STK3: variants seen among roughly 807,000 people sequenced by gnomAD.
STK3 encodes serine/threonine kinase 3.
A neutral mutation model predicts 58.0 loss-of-function variants in STK3; 41 were observed. The observed-to-expected ratio is 0.71, with a 90% CI of 0.55 to 0.92. The LOEUF is 0.92. Ranked by LOEUF, STK3 falls within the 40% of genes least tolerant of loss-of-function variation. The probability of loss-of-function intolerance (pLI) is 0.00; values close to 1 mark genes in which losing one functional copy is unlikely to be tolerated. For missense variants in STK3, 479 were observed against 602.7 expected (o/e 0.79, Z 2.15); for synonymous variants, 170 against 191.0 (o/e 0.89, Z 0.91).
At chr8:98,799,965 T>A (rs969245663) in intron 1 of STK3, among the ~76,000 whole-genome samples, 1 of 152,076 alleles carries the variant, frequency 6.6e-6, no homozygotes, top group Non-Finnish European at 1.5e-5. Context: ...AAGAGTGTTG[T>A]TTTTACACTA....
rs748654732 is a variant in STK3, at chr8:98,903,553, CTTCCTTTTT to C, written c.-78-19728_-78-19720del. 8.5e-4 allele frequency among the ~76,000 whole-genome samples: 13 copies of C among 15,348 alleles called. 1 individual carries two copies. The highest frequency in any genetic ancestry group is 1.2e-3 in the Non-Finnish European group (11 of 9,270). 10.1% of individuals were successfully genotyped at this position (15,348 alleles called of 152,430 possible). On this transcript the variant is annotated intron_variant, in intron 1 of 1. Coordinates refer to the STK3 transcript ENST00000519420. ...TCTTCTTCTTCTTCTTCTTCTTCTTCTTCCTTTTTTTTTTTTTAAGTGGGGCCTTGCTCT... is the reference window on the plus strand; with the variant it reads ...TCTTCTTCTTCTTCTTCTTCTTCTTCTTTTTTTTAAGTGGGGCCTTGCTCT...
intron 6 of STK3, among the ~76,000 whole-genome samples, chr8:98,649,295 T>C (rs765710210): frequency 1.3e-5 from 2 of 152,184 alleles, no homozygotes; most frequent in Non-Finnish European, 2.9e-5. Flanking sequence ...CTACCGCTTA[T>C]CTATTGAGTT....
intron 8 of STK3, among the ~76,000 whole-genome samples, chr8:98,559,406 G>C (rs770400285): frequency 6.6e-6 from 1 of 152,130 alleles, no homozygotes; most frequent in Non-Finnish European, 1.5e-5. Flanking sequence ...GTATTCCATG[G>C]TGAACACAGA....
chr8:98,384,050 G>C (rs1817765410), intron 1 of STK3, among the ~76,000 whole-genome samples: 1 of 152,222 alleles, frequency 6.6e-6, no homozygotes, highest in South Asian at 2.1e-4. Context: ...TAGAGATTTA[G>C]GGTAACCAAG....
At chr8:98,435,198 G>C (rs998986403) in intron 2 of STK3, among the ~76,000 whole-genome samples, 5 of 152,230 alleles carry the variant, frequency 3.3e-5, no homozygotes, top group Non-Finnish European at 5.9e-5. Context: ...ACAGAAAGAG[G>C]ACTCCAGGAG....
intron 6 of STK3, among the ~76,000 whole-genome samples, chr8:98,695,172 C>T (rs906199248): frequency 6.6e-6 from 1 of 152,154 alleles, no homozygotes; most frequent in African/African-American, 2.4e-5. Context: ...CTGTTCATGT[C>T]CTTCGCCCAC....
At chr8:98,387,491 G>T (rs1817801738) in intron 1 of STK3, among the ~76,000 whole-genome samples, 1 of 152,236 alleles carries the variant, frequency 6.6e-6, no homozygotes, top group Admixed American at 6.5e-5. Flanking sequence ...GCTTACGCCT[G>T]TAACCCCAGC....
chr8:98,878,865 G>A (rs978889216), downstream of STK3: 1 of 149,740 alleles, frequency 6.7e-6, no homozygotes, highest in Admixed American at 6.6e-5. Context: ...GGCCAAAAAA[G>A]TCTATTGATA....
intron 2 of STK3, among the ~76,000 whole-genome samples, chr8:98,378,826 G>C (rs1017099994): frequency 5.3e-5 from 8 of 152,094 alleles, no homozygotes; most frequent in African/African-American, 1.9e-4. Context: ...CTCTCCACAT[G>C]GCCCCTCCCT....
intron 10 of STK3, among the ~76,000 whole-genome samples, chr8:98,504,780 C>T (rs1034270810): frequency 9.9e-5 from 15 of 152,150 alleles, no homozygotes; most frequent in Non-Finnish European, 2.1e-4. Context: ...GATGGGCTTC[C>T]CTTTGTGGGT....
rs376330365 is a variant in STK3, at chr8:98,701,692, ACT to A, written c.684+4773_684+4774del. On this transcript the variant is annotated intron_variant, in intron 6 of 10. Transcript: ENST00000419617. Reference sequence around the variant, plus strand: ...TACACACACACACTCACACACACACACTCTCTCTCTCTCACACTCACTTCCTA... The same window carrying A: ...TACACACACACACTCACACACACACACTCTCTCTCTCACACTCACTTCCTA... 2.1e-4 allele frequency among the ~76,000 whole-genome samples: 32 copies of A among 150,200 alleles called. No individual in the cohort carries two copies. In the East Asian group the frequency reaches 2.9e-3, roughly 14 times the overall value.
At chr8:98,712,334 T>A (rs1826538823) in intron 4 of STK3, among the ~76,000 whole-genome samples, 1 of 152,166 alleles carries the variant, frequency 6.6e-6, no homozygotes, top group Non-Finnish European at 1.5e-5. Flanking sequence ...AGACACAGAC[T>A]GGCAAAATTG....
At chr8:98,621,430 C>T (rs890242085) in intron 6 of STK3, among the ~76,000 whole-genome samples, 21 of 152,124 alleles carry the variant, frequency 1.4e-4, no homozygotes, top group African/African-American at 5.1e-4. Context: ...CAAGAACTCC[C>T]AGTACTGTGC....
chr8:98,587,721 G>A (rs1026899765), intron 7 of STK3, among the ~76,000 whole-genome samples: 2 of 152,072 alleles, frequency 1.3e-5, no homozygotes, highest in African/African-American at 2.4e-5. Flanking sequence ...CATTATTAAT[G>A]TGTGGGAGTC....
intron 4 of STK3, among the ~76,000 whole-genome samples, chr8:98,741,876 C>A (rs1348917433): frequency 6.6e-6 from 1 of 152,028 alleles, no homozygotes; most frequent in Non-Finnish European, 1.5e-5. Flanking sequence ...CAAATAGAAG[C>A]AATAAAAAAT....
intron 1 of STK3, among the ~76,000 whole-genome samples, chr8:98,802,355 G>A (rs1046851035): frequency 6.6e-6 from 1 of 152,080 alleles, no homozygotes; most frequent in Non-Finnish European, 1.5e-5. Context: ...CACAGATAAT[G>A]CTAATATGGT....
chr8:98,503,020 A>C (rs1169380069), intron 10 of STK3, among the ~76,000 whole-genome samples: 1 of 152,160 alleles, frequency 6.6e-6, no homozygotes, highest in South Asian at 2.1e-4. Context: ...TAGGCTGTGA[A>C]TCTGTCTGGT....
At chr8:98,424,631 G>A (rs746794528) in intron 3 of STK3, among the ~76,000 whole-genome samples, 8 of 152,164 alleles carry the variant, frequency 5.3e-5, no homozygotes, top group South Asian at 4.1e-4. Flanking sequence ...AATCTCCCAC[G>A]ACCACAGAGG....
At chr8:98,888,555 T>C (rs1214864266) in intron 1 of STK3, among the ~76,000 whole-genome samples, 1 of 152,170 alleles carries the variant, frequency 6.6e-6, no homozygotes, top group Non-Finnish European at 1.5e-5. Context: ...AAAGTAAATC[T>C]TAAATAAAAG....
Sources: gnomAD v4.1 joint callset for allele counts (sites outside exome capture counted in the v4.1 genomes callset) on GRCh38, gnomAD v4.1.1 for gene constraint, MANE v1.5 for transcripts, NCBI Gene and HGNC (gene_info 2026-07-23, HGNC 2026-07-21) for gene names.